The following UNC13C variants were observed in gnomAD, a reference collection of about 807,000 sequenced individuals.
UNC13C encodes unc-13 homolog C, also known as protein unc-13 homolog C.
UNC13C carries 174 observed loss-of-function variants against 245.4 expected under a neutral mutation model. The observed-to-expected ratio is 0.71, with a 90% CI of 0.63 to 0.80. UNC13C has a LOEUF of 0.80. UNC13C is among the 30% of genes least tolerant of loss of function. UNC13C has a pLI of 0.00. For synonymous variants in UNC13C, 992 were observed against 895.1 expected (o/e 1.11, Z -1.93); for missense variants, 2,829 against 2,602.9 (o/e 1.09, Z -1.89).
chr15:54,125,297 A>G (rs1204515207), intron 2 of UNC13C, among the ~76,000 whole-genome samples: 1 of 152,082 alleles, frequency 6.6e-6, no homozygotes, highest in Non-Finnish European at 1.5e-5. Flanking sequence ...ACTTGTCTCT[A>G]ATAAAAATAC....
At chr15:54,592,624 G>C (rs1898855984) in intron 30 of UNC13C, among the ~76,000 whole-genome samples, 1 of 152,100 alleles carries the variant, frequency 6.6e-6, no homozygotes, top group African/African-American at 2.4e-5. Context: ...ACCCCTGCTT[G>C]CTTTTGGTGT....
At chr15:54,481,112 G>C (rs1404977048) in intron 19 of UNC13C, among the ~76,000 whole-genome samples, 1 of 152,198 alleles carries the variant, frequency 6.6e-6, no homozygotes, top group African/African-American at 2.4e-5. Context: ...TCCTTTGGCT[G>C]TAATCAGTAT....
intron 4 of UNC13C, among the ~76,000 whole-genome samples, chr15:54,188,903 A>G (rs972906412): frequency 4.6e-5 from 7 of 152,320 alleles, no homozygotes; most frequent in South Asian, 4.1e-4. Context: ...AAGAAATGCA[A>G]TCTTACTCTT....
At chr15:54,329,952 C>T (rs1440657955) in intron 14 of UNC13C, among the ~76,000 whole-genome samples, 2 of 151,994 alleles carry the variant, frequency 1.3e-5, no homozygotes, top group African/African-American at 2.4e-5. Context: ...GAACCTAAGT[C>T]CACAGAGGTA....
intron 17 of UNC13C, among the ~76,000 whole-genome samples, chr15:54,371,999 A>G (rs2039497224): frequency 6.6e-6 from 1 of 152,156 alleles, no homozygotes; most frequent in Non-Finnish European, 1.5e-5. Context: ...TTTTAGTTAG[A>G]AGGATAAAGT....
the UNC13C span, among the ~76,000 whole-genome samples, chr15:53,855,855 G>C: frequency 6.6e-6 from 1 of 152,090 alleles, no homozygotes. Flanking sequence ...GGAACAGTTT[G>C]AGTAGACACG....
rs562254951 is a variant in UNC13C at position 54,605,130 on chromosome 15, G to A, written c.6107-17197G>A. ...GACCTGCTGGGTAGTAAAGCTGGAG[G>A]GAGAAGTGATCAGTGGGAAGCTCAC... On this transcript the variant is annotated intron_variant, in intron 30 of 32. Coordinates refer to ENST00000260323, the MANE Select transcript of UNC13C (RefSeq NM_001080534.3). Among the ~76,000 whole-genome samples, 20 of 152,256 alleles carry A rather than the reference G, an allele frequency of 1.3e-4. 1 individual carries two copies. The highest frequency in any genetic ancestry group is 1.2e-3 in the Admixed American group (19 of 15,294).
the UNC13C span, among the ~76,000 whole-genome samples, chr15:53,947,052 A>T: frequency 6.6e-5 from 10 of 152,136 alleles, no homozygotes; most frequent in Non-Finnish European, 1.5e-4. Flanking sequence ...GAAACTTTCA[A>T]TTTTTTATCT....
chr15:54,014,569 T>A lies in UNC13C; in HGVS notation c.1666T>A (p.Leu556Met). ...LSRSESDFSK[L>M]CQSYSEDFSE... The stretch of plus-strand genomic sequence containing the variant: ...TCGTTCTGAATCAGATTTTTCCAAA[T>A]TGTGTCAGTCTTACTCAGAAGATTT... The change falls in exon 2 of 33, where the codon TTG becomes ATG. Residue 556 changes from leucine (L) to methionine (M), a missense_variant. Transcript: ENST00000260323. 1 of 1,613,832 alleles carries A rather than the reference T, an allele frequency of 6.2e-7. No homozygotes were observed. The highest frequency in any genetic ancestry group is 8.5e-7 in the Non-Finnish European group (1 of 1,179,836).
rs575940444 is a variant in UNC13C at position 54,168,698 on chromosome 15, C to T, written c.3071+25014C>T. Among the ~76,000 whole-genome samples the T allele has an allele frequency of 5.9e-5, 9 of 152,002 alleles. No individual in the cohort carries two copies. In the East Asian group the frequency reaches 9.7e-4, roughly 16 times the overall value. Reference sequence around the variant, plus strand: ...ACAACGCGTCTGTTAAATTCAACAGCGGTGTGAGGGTCAAAAAATTAAGAA... The same window carrying T: ...ACAACGCGTCTGTTAAATTCAACAGTGGTGTGAGGGTCAAAAAATTAAGAA... On this transcript the variant is annotated intron_variant, in intron 4 of 32. Transcript: ENST00000260323.
intron 26 of UNC13C, among the ~76,000 whole-genome samples, chr15:54,542,544 G>A (rs146616376): frequency 0.034 from 5,101 of 152,032 alleles, 283 homozygotes; most frequent in African/African-American, 0.12. Flanking sequence ...GTTCAAGTCC[G>A]GAATATCCTT....
chr15:54,559,657 G>A (rs1469948892), intron 29 of UNC13C, among the ~76,000 whole-genome samples: 2 of 152,052 alleles, frequency 1.3e-5, no homozygotes, highest in Non-Finnish European at 1.5e-5. Context: ...AGAGGGTGAT[G>A]AATTTTCTCT....
At chr15:54,509,498 A>G (rs760089475) in intron 23 of UNC13C, among the ~76,000 whole-genome samples, 1 of 152,160 alleles carries the variant, frequency 6.6e-6, no homozygotes, top group Non-Finnish European at 1.5e-5. Context: ...CATATTCACT[A>G]TGTTTCAGTT....
At chr15:54,400,556 T>C (rs962530889) in intron 18 of UNC13C, among the ~76,000 whole-genome samples, 7 of 152,144 alleles carry the variant, frequency 4.6e-5, no homozygotes, top group African/African-American at 1.7e-4. Flanking sequence ...TAAGTGACTG[T>C]GTGTATTTCA....
chr15:54,381,296 G>A (rs1468797775), intron 17 of UNC13C, among the ~76,000 whole-genome samples: 1 of 152,040 alleles, frequency 6.6e-6, no homozygotes, highest in Admixed American at 6.6e-5. Flanking sequence ...CTATTCTGTT[G>A]CATTGATCTG....
rs543382178 is a variant in UNC13C, at chr15:54,423,970, A to G, written c.4933+8903A>G. 2.0e-4 allele frequency among the ~76,000 whole-genome samples: 31 copies of G among 152,048 alleles called. No homozygotes were observed. The South Asian group carries it at 3.5e-3, about 17-fold the overall frequency. ...ATAAATTGAAAGAATTGTTAAAATTAGTTTAGAAAATTTCATTTTAAAAAG... is the reference window on the plus strand; with the variant it reads ...ATAAATTGAAAGAATTGTTAAAATTGGTTTAGAAAATTTCATTTTAAAAAG... On this transcript the variant is annotated intron_variant, in intron 19 of 32. Transcript: ENST00000260323.
Position 54,454,581 on chromosome 15 carries a change from AAC to A in UNC13C, c.4933+39516_4933+39517del, listed in dbSNP as rs1491247541. ...CAACAATAGTGGGGGAAAAAAAAAA[AAC>A]AACAATAACTCCCCATGCCCTTCCT... On this transcript the variant is annotated intron_variant, in intron 19 of 32. Coordinates refer to ENST00000260323, the MANE Select transcript of UNC13C (RefSeq NM_001080534.3). 9.3e-4 allele frequency among the ~76,000 whole-genome samples: 140 copies of A among 149,790 alleles called. 2 individuals are homozygous for A. Among genetic ancestry groups the A allele is most frequent in the Admixed American group, 1.2e-3 (18 of 14,976 alleles).
chr15:54,056,275 G>T (rs1441458924), intron 2 of UNC13C, among the ~76,000 whole-genome samples: 3 of 152,118 alleles, frequency 2.0e-5, no homozygotes, highest in Non-Finnish European at 4.4e-5. Flanking sequence ...AGGACCTGAT[G>T]GATCAGAAAA....
intron 2 of UNC13C, among the ~76,000 whole-genome samples, chr15:54,086,855 C>T (rs1034670407): frequency 6.7e-6 from 1 of 148,982 alleles, no homozygotes; most frequent in Non-Finnish European, 1.5e-5. Context: ...CCTGCCTCAG[C>T]CTCCAGAGAA....
Sources: gnomAD v4.1 joint callset for allele counts (sites outside exome capture counted in the v4.1 genomes callset) on GRCh38, gnomAD v4.1.1 for gene constraint, MANE v1.5 for transcripts, NCBI Gene and HGNC (gene_info 2026-07-23, HGNC 2026-07-21) for gene names.